The following KCNIP4 variants were observed in gnomAD, a reference collection of about 807,000 sequenced individuals.
The protein encoded by KCNIP4 is Kv channel-interacting protein 4.
KCNIP4 carries 12 observed loss-of-function variants against 34.0 expected under a neutral mutation model. The ratio of observed to expected loss-of-function variants is 0.35; its 90% CI spans 0.23 to 0.57. The LOEUF (loss-of-function observed/expected upper bound fraction) is 0.57, where lower values mean the gene tolerates loss of function less well. KCNIP4 is among the 20% of genes least tolerant of loss of function. The pLI is 0.83. For missense variants in KCNIP4, 238 were observed against 311.7 expected, an observed-to-expected ratio of 0.76 and a Z score of 1.78; for synonymous variants, 124 against 102.2, an observed-to-expected ratio of 1.21 and a Z score of -1.29.
intron 1 of KCNIP4, among the ~76,000 whole-genome samples, chr4:21,382,483 T>C (rs987430073): frequency 2.0e-5 from 3 of 152,140 alleles, no homozygotes; most frequent in African/African-American, 2.4e-5. Flanking sequence ...ATTCCAAGCA[T>C]CCAGTAGAGT....
chr4:21,388,096 G>C (rs1241720956), intron 1 of KCNIP4, among the ~76,000 whole-genome samples: 1 of 152,072 alleles, frequency 6.6e-6, no homozygotes, highest in African/African-American at 2.4e-5. Context: ...TCCTGAGAAA[G>C]ATTTCAGGTG....
At chr4:20,953,233 TTCTGTG>T (rs1343896545) in intron 1 of KCNIP4, among the ~76,000 whole-genome samples, 1 of 152,228 alleles carries the variant, frequency 6.6e-6, no homozygotes, top group Non-Finnish European at 1.5e-5. Context: ...CTCTAACGGC[TTCTGTG>T]TCTCTCTTCA....
chr4:21,078,948 A>C (rs1745758640), intron 1 of KCNIP4, among the ~76,000 whole-genome samples: 1 of 151,402 alleles, frequency 6.6e-6, no homozygotes, highest in South Asian at 2.1e-4. Flanking sequence ...GTCCTCTTTC[A>C]CTCCATGCTT....
intron 1 of KCNIP4, among the ~76,000 whole-genome samples, chr4:21,498,935 A>G (rs764436927): frequency 2.6e-5 from 4 of 152,202 alleles, no homozygotes; most frequent in Non-Finnish European, 5.9e-5. Flanking sequence ...AGATACTACA[A>G]TTGTGCTGGC....
At chr4:20,781,200 AAAG>A (rs1451339877) in intron 3 of KCNIP4, among the ~76,000 whole-genome samples, 2 of 152,240 alleles carry the variant, frequency 1.3e-5, no homozygotes, top group Non-Finnish European at 2.9e-5. Context: ...AAAAATAAAA[AAAG>A]AAGAAAACCA....
At chr4:21,939,084 A>T (rs1302779452) in intron 1 of KCNIP4, among the ~76,000 whole-genome samples, 1 of 152,192 alleles carries the variant, frequency 6.6e-6, no homozygotes, top group Non-Finnish European at 1.5e-5. Context: ...TCTCATGCTC[A>T]GGGATCCAAG....
chr4:20,978,324 C>A (rs991404189), intron 1 of KCNIP4, among the ~76,000 whole-genome samples: 9 of 152,134 alleles, frequency 5.9e-5, no homozygotes, highest in Non-Finnish European at 1.0e-4. Flanking sequence ...GAAAGTGATA[C>A]TGGAAGTTAC....
chr4:21,732,020 A>T (rs978816125), intron 1 of KCNIP4, among the ~76,000 whole-genome samples: 1 of 150,670 alleles, frequency 6.6e-6, no homozygotes, highest in Non-Finnish European at 1.5e-5. Context: ...AATTACATAT[A>T]TATAAAAATA....
At chr4:20,865,944 G>T (rs1722835677) in intron 2 of KCNIP4, among the ~76,000 whole-genome samples, 1 of 151,958 alleles carries the variant, frequency 6.6e-6, no homozygotes, top group African/African-American at 2.4e-5. Context: ...AAAACGTCAT[G>T]TTGTACACCA....
At chr4:21,259,959 T>C (rs1761354976) in intron 1 of KCNIP4, among the ~76,000 whole-genome samples, 1 of 150,458 alleles carries the variant, frequency 6.6e-6, no homozygotes, top group South Asian at 2.1e-4. Flanking sequence ...GTCTAAACAC[T>C]CAAACAGGAT....
intron 1 of KCNIP4, among the ~76,000 whole-genome samples, chr4:21,578,229 G>A (rs752645124): frequency 6.7e-6 from 1 of 149,890 alleles, no homozygotes; most frequent in Non-Finnish European, 1.5e-5. Flanking sequence ...AGCTACTTAG[G>A]AGGCTGAGGC....
chr4:20,957,206 C>T (rs956478419), intron 1 of KCNIP4, among the ~76,000 whole-genome samples: 3 of 152,080 alleles, frequency 2.0e-5, no homozygotes, highest in Non-Finnish European at 2.9e-5. Flanking sequence ...CTTCAGATTC[C>T]ACATTCTTCC....
chr4:20,834,827 G>T (rs149275143), intron 3 of KCNIP4, among the ~76,000 whole-genome samples: 13 of 152,292 alleles, frequency 8.5e-5, no homozygotes, highest in African/African-American at 2.4e-4. Flanking sequence ...CTTGTGTCAT[G>T]AAATTGAAAG....
intron 1 of KCNIP4, among the ~76,000 whole-genome samples, chr4:21,644,896 T>A (rs1397508488): frequency 6.6e-6 from 1 of 152,140 alleles, no homozygotes; most frequent in Non-Finnish European, 1.5e-5. Flanking sequence ...AGTGAATTCA[T>A]TTTTCTAAGA....
chr4:20,895,773 T>C (rs919333947), intron 1 of KCNIP4, among the ~76,000 whole-genome samples: 9 of 152,190 alleles, frequency 5.9e-5, no homozygotes, highest in African/African-American at 1.9e-4. Context: ...TTGGCCATGA[T>C]TGCTCATTAG....
intron 1 of KCNIP4, among the ~76,000 whole-genome samples, chr4:21,738,750 G>A (rs925839399): frequency 6.6e-6 from 1 of 152,008 alleles, no homozygotes; most frequent in Admixed American, 6.6e-5. Context: ...CATTTGTCTG[G>A]CCATTTCCCC....
chr4:21,873,121 G>C (rs1183714629), intron 1 of KCNIP4, among the ~76,000 whole-genome samples: 1 of 152,216 alleles, frequency 6.6e-6, no homozygotes, highest in Non-Finnish European at 1.5e-5. Context: ...GACAGAAGTA[G>C]AGAGAACCAC....
chr4:20,905,168 T>C (rs1727602173), intron 1 of KCNIP4, among the ~76,000 whole-genome samples: 1 of 152,224 alleles, frequency 6.6e-6, no homozygotes, highest in Non-Finnish European at 1.5e-5. Context: ...TTCTGGAGGC[T>C]GGACATCCAA....
At chr4:21,883,984 G>C (rs1344943546) in intron 1 of KCNIP4, among the ~76,000 whole-genome samples, 1 of 152,058 alleles carries the variant, frequency 6.6e-6, no homozygotes, top group African/African-American at 2.4e-5. Context: ...ATCATCACTT[G>C]CTGGGAATAT....
Sources: gnomAD v4.1 joint callset for allele counts (sites outside exome capture counted in the v4.1 genomes callset) on GRCh38, gnomAD v4.1.1 for gene constraint, MANE v1.5 for transcripts, NCBI Gene and HGNC (gene_info 2026-07-23, HGNC 2026-07-21) for gene names.